The following ISOC1 variants were observed in gnomAD, a reference collection of about 807,000 sequenced individuals.
The protein encoded by ISOC1 is isochorismatase domain containing 1.
A neutral mutation model predicts 30.0 loss-of-function variants in ISOC1; 33 were observed. The observed-to-expected ratio is 1.10, with a 90% CI of 0.83 to 1.47. The LOEUF is 1.47. Ranked by LOEUF, ISOC1 falls within the 40% of genes most tolerant of loss-of-function variation. ISOC1 has a pLI of 0.00. For synonymous variants in ISOC1, 178 were observed against 159.8 expected (o/e 1.11, Z -0.86); for missense variants, 372 against 388.0 (o/e 0.96, Z 0.35).
rs534998415 is a variant in ISOC1 at position 129,095,660 on chromosome 5, T to C, written c.309+585T>C. Among the ~76,000 whole-genome samples the C allele has an allele frequency of 1.5e-4, 23 of 152,342 alleles. No individual in the cohort carries two copies. The South Asian group carries it at 4.6e-3, about 30-fold the overall frequency. On this transcript the variant is annotated intron_variant, in intron 1 of 4. Coordinates refer to ENST00000173527, the MANE Select transcript of ISOC1 (RefSeq NM_016048.2). Reference sequence around the variant, plus strand: ...CTTAGCCTCCTCTTAGTAAAGTGTCTACTGACTTGATTACGTTTTGTCGTC... The same window carrying C: ...CTTAGCCTCCTCTTAGTAAAGTGTCCACTGACTTGATTACGTTTTGTCGTC...
At chr5:129,112,797 TGA>T in intron 4 of ISOC1, 56 bp from the exon 5 acceptor site, 1 of 1,569,122 alleles carries the variant, frequency 6.4e-7, no homozygotes, top group East Asian at 2.2e-5. Context: ...GTTACTCTTC[TGA>T]AATAGTGTTC....
In ISOC1 at chr5:129,113,081, A is replaced by T. The variant is rs1341141191; in HGVS notation, c.*80A>T. The T allele has an allele frequency of 7.5e-7, 1 of 1,332,404 alleles. No homozygotes were observed. The highest frequency in any genetic ancestry group is 1.0e-6 in the Non-Finnish European group (1 of 978,510). The allele number at this position is 1,332,404 out of a possible 1,614,324, so 82.5% of individuals were successfully genotyped here. A position where few individuals can be genotyped will look rare whatever the true frequency, so the allele number is the denominator to read the frequency against. On this transcript the variant is annotated 3_prime_UTR_variant, in exon 5 of 5. Coordinates refer to ENST00000173527, the MANE Select transcript of ISOC1 (RefSeq NM_016048.2). ...CTGTAAGCCCACACAAGCTCTTCTT[A>T]TCTCTACTAGAATTAAAATGTTAAG... is the stretch of plus-strand genomic sequence containing the variant.
intron 1 of ISOC1, among the ~76,000 whole-genome samples, chr5:129,104,683 A>T (rs1753613750): frequency 6.6e-6 from 1 of 152,088 alleles, no homozygotes; most frequent in South Asian, 2.1e-4. Flanking sequence ...TGGCTAAAAA[A>T]TGTTTTGTCA....
intron 3 of ISOC1, among the ~76,000 whole-genome samples, 185 bp downstream of exon 3, chr5:129,105,573 T>G (rs572943296): frequency 2.8e-4 from 42 of 152,286 alleles, no homozygotes; most frequent in African/African-American, 9.6e-4. Context: ...ATTTATTAAG[T>G]CCCTTAAGCC....
At chr5:129,104,851 A>T in intron 1 of ISOC1, 105 bp from the exon 2 acceptor site, 1 of 1,092,328 alleles carries the variant, frequency 9.2e-7, no homozygotes, top group Non-Finnish European at 1.3e-6. Flanking sequence ...AAATTGACTT[A>T]CTGGCTCAAA....
At chr5:129,108,224 A>C (rs1044347956) in intron 4 of ISOC1, among the ~76,000 whole-genome samples, 1 of 152,094 alleles carries the variant, frequency 6.6e-6, no homozygotes, top group African/African-American at 2.4e-5. Context: ...GGTAAGGTAG[A>C]GCAAATGAGA....
At chr5:129,098,776 A>G (rs1205679655) in intron 1 of ISOC1, among the ~76,000 whole-genome samples, 4 of 152,120 alleles carry the variant, frequency 2.6e-5, no homozygotes, top group Non-Finnish European at 4.4e-5. Flanking sequence ...CTGGCAGGGC[A>G]TTTTGCTCCA....
intron 4 of ISOC1, among the ~76,000 whole-genome samples, chr5:129,110,303 A>G (rs1053428001): frequency 6.6e-6 from 1 of 152,158 alleles, no homozygotes; most frequent in African/African-American, 2.4e-5. Context: ...CTGGAGTTTT[A>G]ACTGCCCCTT....
intron 4 of ISOC1, among the ~76,000 whole-genome samples, chr5:129,107,780 T>C (rs900481253): frequency 2.6e-5 from 4 of 152,148 alleles, no homozygotes; most frequent in Admixed American, 1.3e-4. Context: ...TGGGACTAAG[T>C]GGTGTGTCAT....
At chr5:129,095,204 G>A in intron 1 of ISOC1, 129 bp downstream of exon 1, 2 of 871,872 alleles carry the variant, frequency 2.3e-6, no homozygotes, top group Non-Finnish European at 3.3e-6. Flanking sequence ...GCGAGTGGCT[G>A]AGTCCGAAGG....
intron 1 of ISOC1, among the ~76,000 whole-genome samples, chr5:129,104,715 T>C (rs189302635): frequency 2.9e-3 from 447 of 152,242 alleles, no homozygotes; most frequent in Non-Finnish European, 4.8e-3. Flanking sequence ...TAAAATGTGT[T>C]ATATCATATC....
intron 1 of ISOC1, among the ~76,000 whole-genome samples, chr5:129,101,521 G>T (rs1753572519): frequency 1.3e-5 from 2 of 152,008 alleles, no homozygotes; most frequent in South Asian, 2.1e-4. Context: ...TAGAGACAAG[G>T]TCTCACTGTG....
At chr5:129,100,558 T>C (rs1477517915) in intron 1 of ISOC1, among the ~76,000 whole-genome samples, 1 of 152,220 alleles carries the variant, frequency 6.6e-6, no homozygotes, top group Non-Finnish European at 1.5e-5. Flanking sequence ...GTAATTGCTA[T>C]GCTTTTACTC....
At position 129,104,962 on chromosome 5, in the gene ISOC1, A is replaced by G. The variant is rs1251646314; in HGVS notation, c.316A>G (p.Thr106Ala). The stretch of plus-strand genomic sequence containing the variant: ...CTTTTTCTTTTTTCCTCAGCTCACT[A>G]CCCTGGGAAATCTTACACCTTCAAG... The part of the protein sequence containing the change: ...RLVPLQIQLT[T>A]LGNLTPSSTV... Residue 106 changes from threonine to alanine, a missense_variant, in exon 2 of 5, where the codon ACC becomes GCC. By Grantham distance (58) the Thr-to-Ala change is moderately conservative. Coordinates refer to ENST00000173527, the MANE Select transcript of ISOC1 (RefSeq NM_016048.2). 1.2e-6 allele frequency: 2 copies of G among 1,613,286 alleles called. No individual in the cohort carries two copies. Among genetic ancestry groups the G allele is most frequent in the Non-Finnish European group, 1.7e-6 (2 of 1,179,708 alleles).
chr5:129,110,586 G>A (rs1490368014), intron 4 of ISOC1, among the ~76,000 whole-genome samples: 1 of 152,192 alleles, frequency 6.6e-6, no homozygotes, highest in African/African-American at 2.4e-5. Flanking sequence ...CAAAGTGATA[G>A]TGTATGGGTG....
intron 3 of ISOC1, 122 bp downstream of exon 3, chr5:129,105,510 T>G: frequency 3.9e-6 from 3 of 763,360 alleles, no homozygotes; most frequent in South Asian, 1.8e-5. Flanking sequence ...GTAGCCACCA[T>G]GTATTATGTT....
intron 4 of ISOC1, among the ~76,000 whole-genome samples, chr5:129,108,616 T>C (rs936507765): frequency 5.3e-5 from 8 of 152,040 alleles, no homozygotes; most frequent in African/African-American, 1.7e-4. Flanking sequence ...GTTCAAGCAG[T>C]TCTCCCTGTC....
chr5:129,111,363 A>G (rs892903919), intron 4 of ISOC1, among the ~76,000 whole-genome samples: 5 of 152,270 alleles, frequency 3.3e-5, no homozygotes, highest in South Asian at 2.1e-4. Context: ...TTAAGGTCCA[A>G]GCTTGCTTTC....
rs1432442122 is a variant in ISOC1, at chr5:129,095,040, C to A, written c.274C>A (p.Arg92Ser). ...GCCCAAGGGCTTCGCGGTGAGCGAG[C>A]GCTGCAAGGTGCGCCTCGTGCCGTT... The part of the protein sequence containing the change: ...DLPKGFAVSE[R>S]CKVRLVPLQI... The change falls in exon 1 of 5, where the codon CGC (arginine) becomes AGC (serine). Residue 92 changes from arginine to serine, a missense_variant. Coordinates refer to ENST00000173527, the MANE Select transcript of ISOC1 (RefSeq NM_016048.2). 3 of 1,593,240 alleles carry A rather than the reference C, an allele frequency of 1.9e-6. No homozygotes were observed. The highest frequency in any genetic ancestry group is 1.1e-5 in the South Asian group (1 of 89,064).
Sources: allele counts gnomAD v4.1 joint callset (sites outside exome capture counted in the v4.1 genomes callset), GRCh38; gene constraint gnomAD v4.1.1; transcripts MANE v1.5; gene names NCBI Gene and HGNC (gene_info 2026-07-23, HGNC 2026-07-21).